IL1RAPL2: variants seen among roughly 807,000 people sequenced by gnomAD.
IL1RAPL2 encodes interleukin 1 receptor accessory protein like 2.
A neutral mutation model predicts 44.1 loss-of-function variants in IL1RAPL2; 3 were observed. The observed-to-expected ratio is 0.07, with a 90% CI of 0.03 to 0.18. IL1RAPL2 has a LOEUF of 0.18. IL1RAPL2 is among the 10% of genes least tolerant of loss of function. The pLI is 1.00. For missense variants in IL1RAPL2, 391 were observed against 496.4 expected (o/e 0.79, Z 2.02); for synonymous variants, 181 against 178.8 (o/e 1.01, Z -0.10).
At chrX:105,233,742 C>A in intron 3 of IL1RAPL2, 76 bp from the exon 4 acceptor site, 1 of 854,430 alleles carries the variant, frequency 1.2e-6, no homozygotes, top group Non-Finnish European at 1.6e-6. Context: ...AAAGCCAATA[C>A]TCTTGAAATA....
At chrX:105,255,534 C>G (rs1157422098) in intron 4 of IL1RAPL2, among the ~76,000 whole-genome samples, 1 of 112,261 alleles carries the variant, frequency 8.9e-6, no homozygotes, top group African/African-American at 3.2e-5. Flanking sequence ...AGTTGTTTAT[C>G]AGCTGAAGGA....
At chrX:105,716,847 G>C (rs2038260692) in intron 6 of IL1RAPL2, among the ~76,000 whole-genome samples, 1 of 112,156 alleles carries the variant, frequency 8.9e-6, no homozygotes, top group Non-Finnish European at 1.9e-5. Flanking sequence ...GCAAGTTCAA[G>C]TTAGCAGTGC....
chrX:105,218,981 G>A (rs1556171930), intron 3 of IL1RAPL2: 1 of 1,208,545 alleles, frequency 8.3e-7, no homozygotes, highest in Admixed American at 2.2e-5. Flanking sequence ...GGTTTTTGCA[G>A]CCAGATTCCC....
chrX:104,631,038 T>A (rs1394699035), intron 1 of IL1RAPL2, among the ~76,000 whole-genome samples: 1 of 110,849 alleles, frequency 9.0e-6, no homozygotes, highest in Non-Finnish European at 1.9e-5. Flanking sequence ...CCTACCTGTG[T>A]CCATGTGTTC....
chrX:104,979,766 C>T (rs752993878), intron 2 of IL1RAPL2, among the ~76,000 whole-genome samples: 11 of 111,905 alleles, frequency 9.8e-5, no homozygotes, highest in Admixed American at 5.7e-4. Flanking sequence ...ATTTGTCCTA[C>T]TGATAAGTGG....
chrX:105,031,015 G>A lies in IL1RAPL2; in HGVS notation c.83-164460G>A, dbSNP rs1363676229. Among the ~76,000 whole-genome samples, 9 of 110,198 alleles carry A rather than the reference G, an allele frequency of 8.2e-5. 1 individual carries two copies. Among genetic ancestry groups the A allele is most frequent in the Admixed American group, 4.9e-4 (5 of 10,280 alleles). ...ATTCTCTTTGAAGCAATTGTGAAAGGGAGTTCACTCATGATTTGGCTCTCT... is the reference window on the plus strand; with the variant it reads ...ATTCTCTTTGAAGCAATTGTGAAAGAGAGTTCACTCATGATTTGGCTCTCT... On this transcript the variant is annotated intron_variant, in intron 2 of 10. Coordinates refer to ENST00000372582, the MANE Select transcript of IL1RAPL2 (RefSeq NM_017416.2).
Position 105,154,940 on chromosome X carries a change from A to G in IL1RAPL2, c.83-40535A>G, listed in dbSNP as rs957128373. Among the ~76,000 whole-genome samples, 3 of 111,850 alleles carry G rather than the reference A, an allele frequency of 2.7e-5. No individual in the cohort carries two copies. In the South Asian group the frequency reaches 1.1e-3, roughly 42 times the overall value. ...GTTTGACACTACCTTTAAAATTTTAATGGCACGATTCAGCCTTAAAACTTC... is the reference window on the plus strand; with the variant it reads ...GTTTGACACTACCTTTAAAATTTTAGTGGCACGATTCAGCCTTAAAACTTC... On this transcript the variant is annotated intron_variant, in intron 2 of 10. Coordinates refer to ENST00000372582, the MANE Select transcript of IL1RAPL2 (RefSeq NM_017416.2).
chrX:104,599,734 T>C (rs189873303), intron 1 of IL1RAPL2, among the ~76,000 whole-genome samples: 49 of 103,097 alleles, frequency 4.8e-4, no homozygotes, highest in Non-Finnish European at 8.2e-4. Flanking sequence ...ATGAAACGAC[T>C]TAGGCAAAAA....
intron 1 of IL1RAPL2, among the ~76,000 whole-genome samples, chrX:104,650,358 A>G (rs1930129814): frequency 8.9e-6 from 1 of 111,965 alleles, no homozygotes; most frequent in African/African-American, 3.2e-5. Context: ...TTATAATGTA[A>G]TAAACCTAAA....
At chrX:105,385,749 T>G (rs1243632718) in intron 5 of IL1RAPL2, among the ~76,000 whole-genome samples, 1 of 110,098 alleles carries the variant, frequency 9.1e-6, no homozygotes, top group Non-Finnish European at 1.9e-5. Context: ...ATTCTGATAT[T>G]AAGTTGATGG....
chrX:105,236,561 A>G (rs1556201929), intron 4 of IL1RAPL2, among the ~76,000 whole-genome samples: 1 of 111,717 alleles, frequency 9.0e-6, no homozygotes, highest in Admixed American at 9.5e-5. Context: ...TGGGTTAGCA[A>G]AAGTCAACAG....
At chrX:104,626,772 C>G (rs1451215793) in intron 1 of IL1RAPL2, among the ~76,000 whole-genome samples, 1 of 109,870 alleles carries the variant, frequency 9.1e-6, no homozygotes, top group Non-Finnish European at 1.9e-5. Context: ...TCAATTGGAC[C>G]AGATCATTCT....
At chrX:105,738,267 C>A (rs935820426) in intron 7 of IL1RAPL2, among the ~76,000 whole-genome samples, 1 of 111,931 alleles carries the variant, frequency 8.9e-6, no homozygotes, top group African/African-American at 3.2e-5. Flanking sequence ...ATCACTTTAA[C>A]CCATTTTACC....
intron 1 of IL1RAPL2, among the ~76,000 whole-genome samples, chrX:104,638,445 C>T (rs1274211527): frequency 9.0e-6 from 1 of 110,767 alleles, no homozygotes; most frequent in Non-Finnish European, 1.9e-5. Flanking sequence ...TTGAGGTGCA[C>T]TATTAAATTA....
chrX:105,649,990 C>T lies in IL1RAPL2; in HGVS notation c.773-67377C>T, dbSNP rs777936985. Among the ~76,000 whole-genome samples the T allele has an allele frequency of 1.1e-3, 128 of 111,320 alleles. 1 individual carries two copies. In the Middle Eastern group the frequency reaches 0.014, roughly 12 times the overall value. ...ACGCAGAACACTGGTAAAAGACCAG[C>T]ATTCCGAGTACAGCAGATTATGATA... is the stretch of plus-strand genomic sequence containing the variant. On this transcript the variant is annotated intron_variant, in intron 6 of 10. Transcript: ENST00000372582.
At chrX:105,316,847 G>A (rs778213531) in intron 5 of IL1RAPL2, among the ~76,000 whole-genome samples, 2 of 111,420 alleles carry the variant, frequency 1.8e-5, no homozygotes, top group Admixed American at 9.5e-5. Flanking sequence ...GATGGGGAGC[G>A]GGGGAACATT....
chrX:104,936,630 T>C (rs1214982798), intron 2 of IL1RAPL2, among the ~76,000 whole-genome samples: 1 of 104,819 alleles, frequency 9.5e-6, no homozygotes, highest in Non-Finnish European at 2.0e-5. Context: ...TCTTTTTTTT[T>C]TTTTTTTTTT....
intron 2 of IL1RAPL2, among the ~76,000 whole-genome samples, chrX:105,130,534 G>A (rs1330888651): frequency 9.0e-6 from 1 of 111,169 alleles, no homozygotes; most frequent in Admixed American, 9.6e-5. Context: ...CATCCAGGAG[G>A]ATGCAAATAT....
chrX:105,020,167 G>T (rs73518204), intron 2 of IL1RAPL2, among the ~76,000 whole-genome samples: 2,944 of 103,523 alleles, frequency 0.028, 115 homozygotes, highest in African/African-American at 0.12. Flanking sequence ...AGAGATTGGT[G>T]GGGGGGAGGG....
Sources: gnomAD v4.1 joint callset for allele counts (sites outside exome capture counted in the v4.1 genomes callset) on GRCh38, gnomAD v4.1.1 for gene constraint, MANE v1.5 for transcripts, NCBI Gene and HGNC (gene_info 2026-07-23, HGNC 2026-07-21) for gene names.